TP63: variants seen among roughly 807,000 people sequenced by gnomAD.
TP63 encodes tumor protein p63, also known as tumor protein 63.
Under a neutral mutation model 82.8 loss-of-function variants are expected in TP63, and 17 were observed. That is an observed-to-expected ratio of 0.21 (90% CI 0.14 to 0.31). The LOEUF is 0.31. TP63 is among the 10% of genes least tolerant of loss of function. The probability of loss-of-function intolerance (pLI) is 1.00; values close to 1 mark genes in which losing one functional copy is unlikely to be tolerated. For synonymous variants in TP63, 330 were observed against 321.7 expected (o/e 1.03, Z -0.28); for missense variants, 648 against 895.3 (o/e 0.72, Z 3.52).
chr3:189,651,065 C>T (rs1370291819), intron 1 of TP63, among the ~76,000 whole-genome samples: 2 of 147,354 alleles, frequency 1.4e-5, no homozygotes, highest in Admixed American at 1.3e-4. Flanking sequence ...ATAGAAGTGA[C>T]TCTTGCTTTG....
At chr3:189,669,614 A>T (rs936003972) in intron 1 of TP63, among the ~76,000 whole-genome samples, 4 of 152,064 alleles carry the variant, frequency 2.6e-5, no homozygotes, top group African/African-American at 9.7e-5. Context: ...AGACAAGGAA[A>T]ATAGAACTAT....
At chr3:189,833,980 G>A (rs1712742765) in intron 4 of TP63, among the ~76,000 whole-genome samples, 1 of 152,176 alleles carries the variant, frequency 6.6e-6, no homozygotes, top group South Asian at 2.1e-4. Context: ...AATGTATGTA[G>A]ATATTAATTA....
chr3:189,827,285 T>A (rs9882798), intron 4 of TP63, among the ~76,000 whole-genome samples: 11,522 of 152,242 alleles, frequency 0.076, 557 homozygotes, highest in Non-Finnish European at 0.1. Context: ...CCATGCAGAC[T>A]CCTACTTATT....
At chr3:189,699,918 AG>A (rs1378854926) in intron 1 of TP63, among the ~76,000 whole-genome samples, 2 of 152,218 alleles carry the variant, frequency 1.3e-5, no homozygotes, top group African/African-American at 4.8e-5. Flanking sequence ...TAACTGCTGA[AG>A]AAATGTATTT....
chr3:189,701,206 A>G (rs944884910), intron 1 of TP63, among the ~76,000 whole-genome samples: 4 of 152,102 alleles, frequency 2.6e-5, no homozygotes, highest in African/African-American at 9.7e-5. Context: ...CTTTAATAGC[A>G]GCGTGAGAAT....
chr3:189,774,955 C>T (rs1360159702), intron 3 of TP63, among the ~76,000 whole-genome samples: 1 of 152,142 alleles, frequency 6.6e-6, no homozygotes, highest in Non-Finnish European at 1.5e-5. Flanking sequence ...TGGTGGCTCA[C>T]GCCTGTAATC....
intron 4 of TP63, among the ~76,000 whole-genome samples, chr3:189,841,692 C>T (rs184190212): frequency 2.8e-4 from 42 of 152,200 alleles, no homozygotes; most frequent in African/African-American, 9.6e-4. Flanking sequence ...GGTTTCTGAA[C>T]GTGTTTCTGT....
Position 189,754,169 on chromosome 3 carries a change from T to TA in TP63, c.324+15396dup, listed in dbSNP as rs771911537. On this transcript the variant is annotated intron_variant, in intron 3 of 13. Transcript: ENST00000264731. ...GAGAACTGCATGCACCTCTTTTTTT[T>TA]ATCAGATGAGTTTTTTCTAACTGGG... is the stretch of plus-strand genomic sequence containing the variant. 3.3e-5 allele frequency among the ~76,000 whole-genome samples: 5 copies of TA among 152,270 alleles called. No homozygotes were observed. The South Asian group carries it at 8.3e-4, about 25-fold the overall frequency.
intron 10 of TP63, among the ~76,000 whole-genome samples, chr3:189,877,205 T>A (rs1719334161): frequency 6.6e-6 from 1 of 152,212 alleles, no homozygotes. Flanking sequence ...AAATGTGATT[T>A]TAGTTGATTT....
intron 10 of TP63, among the ~76,000 whole-genome samples, chr3:189,882,079 A>T (rs991739477): frequency 1.3e-5 from 2 of 151,992 alleles, no homozygotes; most frequent in Non-Finnish European, 2.9e-5. Flanking sequence ...TATATTTGAG[A>T]TAAAAGTATA....
At chr3:189,713,056 C>A (rs1188561518) in intron 1 of TP63, among the ~76,000 whole-genome samples, 1 of 152,154 alleles carries the variant, frequency 6.6e-6, no homozygotes, top group Non-Finnish European at 1.5e-5. Context: ...CCCAGACCAC[C>A]ACAGCACAGA....
the TP63 span, among the ~76,000 whole-genome samples, chr3:189,615,430 A>T: frequency 6.6e-6 from 1 of 152,136 alleles, no homozygotes; most frequent in South Asian, 2.1e-4. Flanking sequence ...CATTATTTAT[A>T]ATTGCTGCTT....
chr3:189,705,069 T>C (rs1221629728), intron 1 of TP63, among the ~76,000 whole-genome samples: 1 of 152,234 alleles, frequency 6.6e-6, no homozygotes, highest in Non-Finnish European at 1.5e-5. Flanking sequence ...TTTTTACCTA[T>C]GTATAATATT....
chr3:189,794,083 AC>A (rs1331116978), intron 3 of TP63, among the ~76,000 whole-genome samples: 1 of 152,076 alleles, frequency 6.6e-6, no homozygotes, highest in African/African-American at 2.4e-5. Flanking sequence ...TTAATGGGCC[AC>A]CACTCTAAAC....
intron 3 of TP63, among the ~76,000 whole-genome samples, chr3:189,743,840 G>A (rs1360307613): frequency 2.0e-5 from 3 of 152,128 alleles, no homozygotes; most frequent in Non-Finnish European, 4.4e-5. Flanking sequence ...AAGGGTAAGT[G>A]GGAGACCCCT....
rs192867464 is a variant in TP63, at chr3:189,639,433, C to T, written c.62+7856C>T. On this transcript the variant is annotated intron_variant, in intron 1 of 13. Coordinates refer to ENST00000264731, the MANE Select transcript of TP63 (RefSeq NM_003722.5). Reference sequence around the variant, plus strand: ...TTGCTCCATCCTTATTTTTATTGTTCGCCTTCCATTCTCTACTTAATCTGA... The same window carrying T: ...TTGCTCCATCCTTATTTTTATTGTTTGCCTTCCATTCTCTACTTAATCTGA... Among the ~76,000 whole-genome samples the T allele has an allele frequency of 1.8e-4, 28 of 152,158 alleles. 1 individual carries two copies. In the East Asian group the frequency reaches 4.8e-3, roughly 26 times the overall value.
chr3:189,728,980 G>C (rs1417524822), intron 1 of TP63, among the ~76,000 whole-genome samples: 1 of 149,984 alleles, frequency 6.7e-6, no homozygotes, highest in Non-Finnish European at 1.5e-5. Context: ...AAAAGAATGA[G>C]AGACAAAGGT....
intron 1 of TP63, among the ~76,000 whole-genome samples, chr3:189,704,369 T>G (rs1041327552): frequency 2.6e-5 from 4 of 152,242 alleles, no homozygotes; most frequent in African/African-American, 7.2e-5. Context: ...AAGCCACCCA[T>G]AGCTTACATA....
the TP63 span, among the ~76,000 whole-genome samples, chr3:189,617,623 A>G: frequency 6.6e-6 from 1 of 152,210 alleles, no homozygotes; most frequent in African/African-American, 2.4e-5. Flanking sequence ...ACCCCGTTCA[A>G]CATTCTTTGG....
Sources: allele counts gnomAD v4.1 joint callset (sites outside exome capture counted in the v4.1 genomes callset), GRCh38; gene constraint gnomAD v4.1.1; transcripts MANE v1.5; gene names NCBI Gene and HGNC (gene_info 2026-07-23, HGNC 2026-07-21).